The following SPTB variants were observed in gnomAD, a reference collection of about 807,000 sequenced individuals.
The protein encoded by SPTB is spectrin beta, erythrocytic, also known as spectrin beta chain, erythrocytic.
Under a neutral mutation model 256.2 loss-of-function variants are expected in SPTB, and 45 were observed. The ratio of observed to expected loss-of-function variants is 0.18; its 90% CI spans 0.14 to 0.23. The LOEUF (loss-of-function observed/expected upper bound fraction) is 0.23, where lower values mean the gene tolerates loss of function less well. Ranked by LOEUF, SPTB falls within the 10% of genes least tolerant of loss-of-function variation. SPTB has a pLI of 1.00. For missense variants in SPTB, 2,715 were observed against 3,040.4 expected (o/e 0.89, Z 2.52); for synonymous variants, 1,231 against 1,243.1 (o/e 0.99, Z 0.21).
In SPTB at chr14:64,803,861, C is replaced by T. The variant is rs1196067859; in HGVS notation, c.301-81G>A. ...GGCTGCAGCGTGGACCAGCTCCTGT[C>T]ATAAGCACCCACCCTCCACCCTCTT... On this transcript the variant is annotated intron_variant, in intron 3 of 35. Coordinates refer to ENST00000644917, the MANE Select transcript of SPTB (RefSeq NM_001355436.2). 4 of 1,445,562 alleles carry T rather than the reference C, an allele frequency of 2.8e-6. No individual in the cohort carries two copies. The East Asian group carries it at 1.0e-4, about 36-fold the overall frequency. 89.5% of individuals were successfully genotyped at this position (1,445,562 alleles called of 1,614,324 possible).
Position 64,793,521 on chromosome 14 carries a change from G to A in SPTB, c.2142C>T (p.Ile714=), listed in dbSNP as rs763003753. 2.5e-6 allele frequency: 4 copies of A among 1,613,970 alleles called. No individual in the cohort carries two copies. The highest frequency in any genetic ancestry group is 2.7e-5 in the African/African-American group (2 of 74,912). The part of the protein sequence containing the change: ...VARKQFGHPQ[I]EARIKEVSAQ... ...CCGACACCTCCTTTATGCGGGCCTC[G>A]ATCTGCGGGTGCCCAAACTGCTTGC... Residue 714 remains isoleucine (I), a synonymous_variant, in exon 14 of 36, where the codon ATC becomes ATT. Coordinates refer to ENST00000644917, the MANE Select transcript of SPTB (RefSeq NM_001355436.2). This position sits in a 1 kb window ranked among gnomAD's most constrained non-coding sequence, Gnocchi z 7.0.
intron 5 of SPTB, 152 bp from the exon 6 acceptor site, chr14:64,801,986 G>C: frequency 3.4e-6 from 3 of 876,794 alleles, no homozygotes; most frequent in Non-Finnish European, 3.7e-6. Context: ...ACCACACACA[G>C]AGGCTCCCCC....
chr14:64,793,352 C>T lies in SPTB; in HGVS notation c.2311G>A (p.Val771Met). Residue 771 changes from valine (V) to methionine (M), a missense_variant, in exon 14 of 36, where the codon GTG (valine) becomes ATG (methionine). Val to Met is a conservative substitution (Grantham distance 21). Transcript: ENST00000644917. The surrounding 1 kb of genome is among the most constrained non-coding windows in gnomAD (Gnocchi z 7.0). ...DAHRLLSGEDVGQDEGATRAL... is the reference protein window; with the variant it reads ...DAHRLLSGEDMGQDEGATRAL... ...CGCGTGGCCCCTTCGTCCTGCCCCA[C>T]ATCTTCACCAGAGAGCAGCCGGTGG... 2 of 1,611,820 alleles carry T rather than the reference C, an allele frequency of 1.2e-6. No homozygotes were observed. The highest frequency in any genetic ancestry group is 2.2e-5 in the South Asian group (2 of 91,088).
chr14:64,772,859 G>A lies in SPTB; in HGVS notation c.5274C>T (p.Ile1758=), dbSNP rs201864270. The change falls in exon 26 of 36, where the codon ATC becomes ATT. Residue 1758 remains isoleucine (I), a synonymous_variant. Coordinates refer to ENST00000644917, the MANE Select transcript of SPTB (RefSeq NM_001355436.2). This position sits in a 1 kb window ranked among gnomAD's most constrained non-coding sequence, Gnocchi z 5.4. ...TGGCCGCCTCGCTGTGGCCCGCGTC[G>A]ATGAGTCGCTCGATGAAGGCATTCA... ...DNVNAFIERL[I]DAGHSEAATI... 1.7e-5 allele frequency: 28 copies of A among 1,612,384 alleles called. No homozygotes were observed. Among genetic ancestry groups the A allele is most frequent in the South Asian group, 2.2e-5 (2 of 91,068 alleles).
rs2082142100 is a variant in SPTB, at chr14:64,764,836, AAG to A, written c.6345+1888_6345+1889del. Among the ~76,000 whole-genome samples, 1 of 152,042 alleles carries A rather than the reference AAG, an allele frequency of 6.6e-6. No individual in the cohort carries two copies. Among genetic ancestry groups the A allele is most frequent in the Admixed American group, 6.5e-5 (1 of 15,284 alleles). On this transcript the variant is annotated intron_variant, in intron 32 of 35. Transcript: ENST00000644917. This position sits in a 1 kb window ranked among gnomAD's most constrained non-coding sequence, Gnocchi z 4.2. ...TCCGGCAGGGGCTGTTGCTGGGAAA[AAG>A]GGGCTGGGACACAGTCCACCACAGA...
chr14:64,769,536 G>A (rs2082246009), intron 28 of SPTB, 54 bp downstream of exon 28: 4 of 1,607,652 alleles, frequency 2.5e-6, no homozygotes, highest in Non-Finnish European at 1.7e-6. Flanking sequence ...TGCCTGGCTG[G>A]CACAGTGGGG....
rs1296320449 is a variant in SPTB at position 64,795,436 on chromosome 14, C to A, written c.1545G>T (p.Glu515Asp). The change falls in exon 12 of 36, where the codon GAG (glutamate) becomes GAT (aspartate). Residue 515 changes from glutamate to aspartate, a missense_variant. Around this residue, in one of 4 missense-constraint regions of SPTB, gnomAD observed 2,239 missense variants for 2,384.4 expected, o/e 0.94. Transcript: ENST00000644917. The surrounding 1 kb of genome is among the most constrained non-coding windows in gnomAD (Gnocchi z 6.5). ...NILRLWSYLQELLQSRRQRLE... is the reference protein window; with the variant it reads ...NILRLWSYLQDLLQSRRQRLE... ...GCCTCTGGCGCCGGGACTGCAGCAGCTCCTGCAGGTAGCTCCATAGGCGCA... is the reference window on the plus strand; with the variant it reads ...GCCTCTGGCGCCGGGACTGCAGCAGATCCTGCAGGTAGCTCCATAGGCGCA... The A allele has an allele frequency of 6.2e-7, 1 of 1,614,240 alleles. No individual in the cohort carries two copies. The highest frequency in any genetic ancestry group is 8.5e-7 in the Non-Finnish European group (1 of 1,180,030).
At chr14:64,828,229 G>A (rs958952934) in intron 1 of SPTB, among the ~76,000 whole-genome samples, 15 of 151,506 alleles carry the variant, frequency 9.9e-5, no homozygotes, top group Admixed American at 3.3e-4. Context: ...TTTACATGCC[G>A]CAACTTGTCC....
intron 2 of SPTB, among the ~76,000 whole-genome samples, chr14:64,815,344 GC>G (rs937231979): frequency 6.6e-6 from 1 of 152,188 alleles, no homozygotes; most frequent in Non-Finnish European, 1.5e-5. Context: ...TTCAATAGGG[GC>G]CCGAGGGCTG....
intron 32 of SPTB, 35 bp from the exon 33 acceptor site, chr14:64,753,828 G>A (rs866418806): frequency 6.2e-7 from 1 of 1,608,528 alleles, no homozygotes; most frequent in African/African-American, 1.3e-5. Flanking sequence ...CACCTTTCTG[G>A]GTACTCTGGC....
At chr14:64,809,935 A>G (rs7149479) in intron 2 of SPTB, among the ~76,000 whole-genome samples, 8,304 of 152,248 alleles carry the variant, frequency 0.055, 808 homozygotes, top group African/African-American at 0.19. Flanking sequence ...AATTTACCCT[A>G]AATCAATATA....
In SPTB at chr14:64,845,755, C is replaced by T. The variant is rs1424113060; in HGVS notation, c.-51-22610G>A. Among the ~76,000 whole-genome samples the T allele has an allele frequency of 6.6e-6, 1 of 152,156 alleles. No individual in the cohort carries two copies. The highest frequency in any genetic ancestry group is 1.5e-5 in the Non-Finnish European group (1 of 68,030). ...CCCCAACTTTGTGAAATGAGTTCTG[C>T]CATGGGCTCGCCTAGTCTCTTCATT... is the stretch of plus-strand genomic sequence containing the variant. On this transcript the variant is annotated intron_variant, in intron 1 of 35. Transcript: ENST00000644917. This position sits in a 1 kb window ranked among gnomAD's most constrained non-coding sequence, Gnocchi z 4.8.
At chr14:64,801,960 G>T in intron 5 of SPTB, 126 bp from the exon 6 acceptor site, 1 of 997,296 alleles carries the variant, frequency 1.0e-6, no homozygotes, top group Non-Finnish European at 1.6e-6. Context: ...AGGTCACCAA[G>T]AGGGGGCAGC....
At position 64,799,764 on chromosome 14, in the gene SPTB, G is replaced by A. The variant is rs150695302; in HGVS notation, c.1047C>T (p.Thr349=). The change falls in exon 9 of 36, where the codon ACC becomes ACT. Residue 349 remains threonine (T), a synonymous_variant. Transcript: ENST00000644917. ...GCCCTTACTTGGGCGGCTTCTCCAC[G>A]GTGCGGTAGGTGCTGAAGGCCTGCA... The part of the protein sequence containing the change: ...QQLQAFSTYR[T]VEKPPKFQEK... The A allele has an allele frequency of 7.6e-5, 122 of 1,614,076 alleles. No homozygotes were observed. Among genetic ancestry groups the A allele is most frequent in the African/African-American group, 4.4e-4 (33 of 74,922 alleles).
At chr14:64,871,039 T>C (rs1186800885) in intron 1 of SPTB, among the ~76,000 whole-genome samples, 1 of 152,268 alleles carries the variant, frequency 6.6e-6, no homozygotes, top group African/African-American at 2.4e-5. Flanking sequence ...CTTATGCCAC[T>C]GAACTGTATG....
chr14:64,869,501 G>A (rs553791044), intron 1 of SPTB, among the ~76,000 whole-genome samples: 48 of 152,098 alleles, frequency 3.2e-4, no homozygotes, highest in Non-Finnish European at 6.0e-4. Context: ...CTGGAGTTCA[G>A]TGGCATGATC....
rs769332231 is a variant in SPTB, at chr14:64,785,706, C to T, written c.3764+43G>A. ...CCAAGCTTGGGGTCCTCACTACCCC[C>T]GTGTGGCTCTGGGGGCCTCGTGGCC... On this transcript the variant is annotated intron_variant, in intron 17 of 35. Coordinates refer to ENST00000644917, the MANE Select transcript of SPTB (RefSeq NM_001355436.2). The surrounding 1 kb of genome is among the most constrained non-coding windows in gnomAD (Gnocchi z 4.4). 28 of 1,613,600 alleles carry T rather than the reference C, an allele frequency of 1.7e-5. No individual in the cohort carries two copies. The highest frequency in any genetic ancestry group is 1.6e-4 in the Middle Eastern group (1 of 6,062).
intron 33 of SPTB, among the ~76,000 whole-genome samples, chr14:64,750,562 G>C (rs958034875): frequency 5.3e-5 from 8 of 151,878 alleles, no homozygotes; most frequent in African/African-American, 1.9e-4. Context: ...GACCGCCTGA[G>C]GTCAGGAGTT....
chr14:64,765,377 A>T (rs112094136), intron 32 of SPTB, among the ~76,000 whole-genome samples: 1 of 152,056 alleles, frequency 6.6e-6, no homozygotes, highest in Non-Finnish European at 1.5e-5. Context: ...TCCCCAGAGC[A>T]GCTCCCTAAG....
Sources: gnomAD v4.1 joint callset for allele counts (sites outside exome capture counted in the v4.1 genomes callset) on GRCh38, gnomAD v4.1.1 for gene constraint, gnomAD v4.1.1 regional missense constraint, Gnocchi (gnomAD v3.1) non-coding constraint, MANE v1.5 for transcripts, NCBI Gene and HGNC (gene_info 2026-07-23, HGNC 2026-07-21) for gene names.